The following CREBBP variants were observed in gnomAD, a reference collection of about 807,000 sequenced individuals.
CREBBP encodes CREB binding lysine acetyltransferase.
CREBBP carries 19 observed loss-of-function variants against 265.0 expected under a neutral mutation model. That is an observed-to-expected ratio of 0.07 (90% CI 0.05 to 0.11). The LOEUF (loss-of-function observed/expected upper bound fraction) is 0.11. Ranked by LOEUF, CREBBP falls within the 10% of genes least tolerant of loss-of-function variation. The pLI is 1.00. For missense variants in CREBBP, 2,525 were observed against 3,219.0 expected (o/e 0.78, Z 5.22); for synonymous variants, 1,457 against 1,223.7 (o/e 1.19, Z -3.98).
At chr16:3,808,363 T>C (rs1027763360) in intron 3 of CREBBP, among the ~76,000 whole-genome samples, 1 of 152,194 alleles carries the variant, frequency 6.6e-6, no homozygotes, top group African/African-American at 2.4e-5. Context: ...TTTTTGATTA[T>C]CATGGCTTAG....
intron 1 of CREBBP, among the ~76,000 whole-genome samples, chr16:3,852,297 T>C (rs942304731): frequency 1.4e-5 from 2 of 146,762 alleles, no homozygotes; most frequent in African/African-American, 5.0e-5. Context: ...GCCTCCCAAG[T>C]AGCTGGGATT....
chr16:3,869,310 T>C (rs1167477880), intron 1 of CREBBP, among the ~76,000 whole-genome samples: 4 of 152,222 alleles, frequency 2.6e-5, no homozygotes, highest in African/African-American at 9.6e-5. Context: ...ACATCCCCAC[T>C]GGATCGCCAG....
chr16:3,788,615 C>G (rs1363664315), intron 5 of CREBBP, among the ~76,000 whole-genome samples: 1 of 152,132 alleles, frequency 6.6e-6, no homozygotes, highest in Non-Finnish European at 1.5e-5. Context: ...ATGGTTAACT[C>G]GAGATCAGTG....
intron 5 of CREBBP, 140 bp downstream of exon 5, chr16:3,791,841 C>T (rs2053515079): frequency 1.3e-6 from 1 of 765,742 alleles, no homozygotes; most frequent in Non-Finnish European, 2.3e-6. Context: ...CTTGGCTGTA[C>T]CTTGGGCTGC....
chr16:3,864,951 C>T (rs2055147440), intron 1 of CREBBP, among the ~76,000 whole-genome samples: 1 of 152,148 alleles, frequency 6.6e-6, no homozygotes, highest in African/African-American at 2.4e-5. Context: ...CCTGTAATCC[C>T]AGGAGGCTGA....
rs749382744 is a variant in CREBBP at position 3,782,768 on chromosome 16, G to C, written c.1489C>G (p.Gln497Glu). Residue 497 changes from glutamine to glutamate, a missense_variant, in exon 6 of 31, where the codon CAG becomes GAG. Around this residue, in one of 19 missense-constraint regions of CREBBP, gnomAD observed 144 missense variants for 134.0 expected, o/e 1.07. Coordinates refer to ENST00000262367, the MANE Select transcript of CREBBP (RefSeq NM_004380.3). The part of the protein sequence containing the change: ...ALGLPYMNQP[Q>E]TQLQPQVPGQ... ...GGAACCTGAGGCTGCAGCTGCGTCT[G>C]GGGCTGGTTCATGTAGGGGAGTCCG... 1 of 1,614,148 alleles carries C rather than the reference G, an allele frequency of 6.2e-7. No homozygotes were observed.
At chr16:3,758,174 T>A in intron 17 of CREBBP, 126 bp from the exon 18 acceptor site, 1 of 975,240 alleles carries the variant, frequency 1.0e-6, no homozygotes, top group Non-Finnish European at 1.5e-6. Flanking sequence ...TTCCCAACAG[T>A]AAGAAATAGG....
At chr16:3,743,071 T>A (rs2052255984) in intron 23 of CREBBP, 1 of 152,208 alleles carries the variant, frequency 6.6e-6, no homozygotes. Flanking sequence ...TCAGAGTGAA[T>A]CCTCTGAAGC....
rs1182783330 is a variant in CREBBP, at chr16:3,739,774, G to A, written c.4134-50C>T. 1.9e-6 allele frequency: 3 copies of A among 1,613,438 alleles called. No homozygotes were observed. The African/African-American group carries it at 4.0e-5, about 22-fold the overall frequency. On this transcript the variant is annotated intron_variant, in intron 24 of 30. Coordinates refer to ENST00000262367, the MANE Select transcript of CREBBP (RefSeq NM_004380.3). ...ATTTACAAAGGCTGTTGCTGACAAGGTGCTTCTGCACACCAGGCCTGCTCC... is the reference window on the plus strand; with the variant it reads ...ATTTACAAAGGCTGTTGCTGACAAGATGCTTCTGCACACCAGGCCTGCTCC...
chr16:3,805,157 T>C (rs957395934), intron 3 of CREBBP, among the ~76,000 whole-genome samples: 2 of 152,248 alleles, frequency 1.3e-5, no homozygotes, highest in East Asian at 1.9e-4. Context: ...CCTGCATACA[T>C]GTTTTCTCAG....
rs2151383462 is a variant in CREBBP at position 3,757,943 on chromosome 16, G to C, written c.3475C>G (p.Leu1159Val). The change falls in exon 18 of 31, where the codon CTC (leucine) becomes GTC (valine). Residue 1159 changes from leucine to valine, a missense_variant. By Grantham distance (32) the Leu-to-Val change is conservative. This residue lies in a region of CREBBP where 252 missense variants were observed against 452.5 expected (regional missense o/e 0.56). Coordinates refer to ENST00000262367, the MANE Select transcript of CREBBP (RefSeq NM_004380.3). ...EPWQYVDDVW[L>V]MFNNAWLYNR... ...TAGAGCCAGGCATTGTTGAACATGA[G>C]CCAGACGTCGTCCACGTACTGCCAG... 6.2e-7 allele frequency: 1 copy of C among 1,613,954 alleles called. No individual in the cohort carries two copies. The highest frequency in any genetic ancestry group is 8.5e-7 in the Non-Finnish European group (1 of 1,180,032).
intron 2 of CREBBP, among the ~76,000 whole-genome samples, chr16:3,834,367 T>C (rs1037761721): frequency 6.6e-6 from 1 of 152,196 alleles, no homozygotes; most frequent in African/African-American, 2.4e-5. Context: ...AGTCTTTCAG[T>C]AGGTAAAGGG....
intron 2 of CREBBP, among the ~76,000 whole-genome samples, chr16:3,826,395 TAGTG>T (rs2054237863): frequency 6.6e-6 from 1 of 152,028 alleles, no homozygotes. Flanking sequence ...TCCTTAAACA[TAGTG>T]AGTCCTTCCA....
chr16:3,752,711 C>G (rs1404375124), intron 19 of CREBBP, among the ~76,000 whole-genome samples: 1 of 152,192 alleles, frequency 6.6e-6, no homozygotes, highest in Non-Finnish European at 1.5e-5. Context: ...ACCAATCATT[C>G]ATCAATCTGA....
At chr16:3,851,588 C>CGG (rs1311966180) in intron 1 of CREBBP, among the ~76,000 whole-genome samples, 3 of 152,120 alleles carry the variant, frequency 2.0e-5, no homozygotes, top group East Asian at 1.9e-4. Context: ...GGCATGGTGG[C>CGG]TCAAGCCTGT....
At chr16:3,736,303 TG>T in intron 27 of CREBBP, 100 bp from the exon 28 acceptor site, 1 of 1,260,382 alleles carries the variant, frequency 7.9e-7, no homozygotes, top group Non-Finnish European at 1.2e-6. Context: ...CACCATGGTG[TG>T]GCAGAGTCCC....
chr16:3,783,005 T>C (rs56979498), intron 5 of CREBBP, 79 bp from the exon 6 acceptor site: 1 of 1,563,314 alleles, frequency 6.4e-7, no homozygotes. Flanking sequence ...TAAAAACTAT[T>C]GAGAAGCAAA....
At chr16:3,782,144 T>C (rs2053286405) in intron 6 of CREBBP, among the ~76,000 whole-genome samples, 1 of 152,136 alleles carries the variant, frequency 6.6e-6, no homozygotes, top group African/African-American at 2.4e-5. Flanking sequence ...ATCATGGCGA[T>C]GTGTGAGCAA....
chr16:3,850,189 G>A (rs900547621), intron 2 of CREBBP, 108 bp downstream of exon 2: 106 of 1,058,640 alleles, frequency 1.0e-4, no homozygotes, highest in Admixed American at 9.9e-4. Context: ...CACGTGGAGA[G>A]CCCAAGAGGA....
Sources: allele counts gnomAD v4.1 joint callset (sites outside exome capture counted in the v4.1 genomes callset), GRCh38; gene constraint gnomAD v4.1.1; regional missense constraint gnomAD v4.1.1; transcripts MANE v1.5; gene names NCBI Gene and HGNC (gene_info 2026-07-23, HGNC 2026-07-21).